The following RNF144B variants were observed in gnomAD, a reference collection of about 807,000 sequenced individuals.
RNF144B encodes E3 ubiquitin-protein ligase RNF144B.
In RNF144B, 25 loss-of-function variants were observed where a neutral mutation model predicts 40.2. That is an observed-to-expected ratio of 0.62 (90% CI 0.45 to 0.87). The LOEUF (loss-of-function observed/expected upper bound fraction) is 0.87. Among genes scored for constraint, RNF144B ranks in the 40% least tolerant of loss-of-function variants. The probability of loss-of-function intolerance (pLI) is 0.00; values close to 1 mark genes in which losing one functional copy is unlikely to be tolerated. For missense variants in RNF144B, 365 were observed against 373.7 expected (o/e 0.98, Z 0.19); for synonymous variants, 145 against 136.3 (o/e 1.06, Z -0.44).
In RNF144B at chr6:18,452,649, TA is replaced by T. The variant is rs1035939819; in HGVS notation, c.332-4497del. Reference sequence around the variant, plus strand: ...TATAAAAGTAGTACTTGACCTTTTTTAAAAAAAAATTTCAAGTTTAGAGATG... The same window carrying T: ...TATAAAAGTAGTACTTGACCTTTTTTAAAAAAAATTTCAAGTTTAGAGATG... On this transcript the variant is annotated intron_variant, in intron 4 of 7. Transcript: ENST00000259939. Among the ~76,000 whole-genome samples, 49 of 152,024 alleles carry T rather than the reference TA, an allele frequency of 3.2e-4. No homozygotes were observed. In the Middle Eastern group the frequency reaches 0.01, roughly 32 times the overall value.
chr6:18,455,883 C>T (rs2113533273), intron 4 of RNF144B, among the ~76,000 whole-genome samples: 1 of 152,104 alleles, frequency 6.6e-6, no homozygotes, highest in South Asian at 2.1e-4. Flanking sequence ...GTTTCTAGAA[C>T]ATGTGGGGGT....
At position 18,416,138 on chromosome 6, in the gene RNF144B, A is replaced by G. The variant is rs1344183387; in HGVS notation, c.166-11443A>G. Among the ~76,000 whole-genome samples, 1 of 118,332 alleles carries G rather than the reference A, an allele frequency of 8.5e-6. No individual in the cohort carries two copies. The highest frequency in any genetic ancestry group is 2.1e-5 in the Non-Finnish European group (1 of 48,712). 77.6% of individuals were successfully genotyped at this position (118,332 alleles called of 152,430 possible). A position where few individuals can be genotyped will look rare whatever the true frequency, so the allele number is the denominator to read the frequency against. ...TTGTTTTCTTTCTCCTGGAATGGTC[A>G]GTTACTTTTCTGAGCATACTGTGTC... On this transcript the variant is annotated intron_variant, in intron 2 of 7. Coordinates refer to ENST00000259939, the MANE Select transcript of RNF144B (RefSeq NM_182757.4). This position sits in a 1 kb window ranked among gnomAD's most constrained non-coding sequence, Gnocchi z 5.5.
chr6:18,464,783 G>A lies in RNF144B; in HGVS notation c.772-144G>A, dbSNP rs112561575. ...TCTAAAGGCCTCGTCTCCAAATACCGTCACATCGGGGATTTAGGGTTTCAA... is the reference window on the plus strand; with the variant it reads ...TCTAAAGGCCTCGTCTCCAAATACCATCACATCGGGGATTTAGGGTTTCAA... On this transcript the variant is annotated intron_variant, in intron 7 of 7. Transcript: ENST00000259939. This position sits in a 1 kb window ranked among gnomAD's most constrained non-coding sequence, Gnocchi z 6.1. The A allele has an allele frequency of 2.4e-4, 183 of 778,436 alleles. No homozygotes were observed. The African/African-American group carries it at 2.7e-3, about 12-fold the overall frequency. 48.2% of individuals were successfully genotyped at this position (778,436 alleles called of 1,614,324 possible). A position where few individuals can be genotyped will look rare whatever the true frequency, so the allele number is the denominator to read the frequency against.
At chr6:18,437,852 A>G (rs764744998) in intron 3 of RNF144B, among the ~76,000 whole-genome samples, 2 of 152,222 alleles carry the variant, frequency 1.3e-5, no homozygotes, top group East Asian at 1.9e-4. Context: ...CTTGTCTTCC[A>G]TAAACTGTAT....
rs984670572 is a variant in RNF144B, at chr6:18,457,928, G to A, written c.536+569G>A. 3.3e-5 allele frequency among the ~76,000 whole-genome samples: 5 copies of A among 151,316 alleles called. No homozygotes were observed. The highest frequency in any genetic ancestry group is 2.1e-4 in the South Asian group (1 of 4,800). On this transcript the variant is annotated intron_variant, in intron 5 of 7. Transcript: ENST00000259939. The surrounding 1 kb of genome is among the most constrained non-coding windows in gnomAD (Gnocchi z 5.1). ...TAAATCTGTACCTTTTTAGTACAGC[G>A]GGTTTTTTTTTGTTTTGTTTTGTTT... is the stretch of plus-strand genomic sequence containing the variant.
intron 3 of RNF144B, among the ~76,000 whole-genome samples, chr6:18,436,113 T>A (rs1758819276): frequency 6.6e-6 from 1 of 151,532 alleles, no homozygotes; most frequent in Admixed American, 6.6e-5. Context: ...CTCATGTAGC[T>A]CCTGATGGCC....
intron 2 of RNF144B, among the ~76,000 whole-genome samples, chr6:18,413,146 T>C (rs1367891159): frequency 6.6e-6 from 1 of 152,128 alleles, no homozygotes; most frequent in Non-Finnish European, 1.5e-5. Context: ...TTGGAAGAAA[T>C]AAAAACAAGC....
chr6:18,411,685 G>T (rs2113478292), intron 2 of RNF144B, among the ~76,000 whole-genome samples: 1 of 151,294 alleles, frequency 6.6e-6, no homozygotes, highest in South Asian at 2.1e-4. Context: ...TGTATTTTTA[G>T]TACAGAGGGG....
intron 3 of RNF144B, among the ~76,000 whole-genome samples, chr6:18,435,928 C>T (rs992251804): frequency 1.3e-5 from 2 of 151,408 alleles, no homozygotes. Context: ...TGCTAAATGA[C>T]GAGTTAATGG....
intron 4 of RNF144B, among the ~76,000 whole-genome samples, chr6:18,452,316 G>A (rs1759226811): frequency 6.6e-6 from 1 of 152,154 alleles, no homozygotes; most frequent in East Asian, 1.9e-4. Context: ...ATAGACAGCA[G>A]CAATTAACAA....
rs182339958 is a variant in RNF144B at position 18,465,760 on chromosome 6, C to G, written c.*693C>G. Reference sequence around the variant, plus strand: ...GTTGCAGCCTGTTAAACAATGTGGTCTAATTTAGTGTCTCTCCCTTGGCAA... The same window carrying G: ...GTTGCAGCCTGTTAAACAATGTGGTGTAATTTAGTGTCTCTCCCTTGGCAA... On this transcript the variant is annotated 3_prime_UTR_variant, in exon 8 of 8. Coordinates refer to ENST00000259939, the MANE Select transcript of RNF144B (RefSeq NM_182757.4). The G allele has an allele frequency of 6.6e-6, 1 of 152,332 alleles. No individual in the cohort carries two copies. The highest frequency in any genetic ancestry group is 1.5e-5 in the Non-Finnish European group (1 of 68,040). The allele number at this position is 152,332 out of a possible 1,614,324, so 9.4% of individuals were successfully genotyped here.
chr6:18,427,594 A>T lies in RNF144B; in HGVS notation c.179A>T (p.Tyr60Phe). 6.2e-7 allele frequency: 1 copy of T among 1,613,232 alleles called. No individual in the cohort carries two copies. Among genetic ancestry groups the T allele is most frequent in the Non-Finnish European group, 8.5e-7 (1 of 1,179,332 alleles). The change falls in exon 3 of 8, where the codon TAC becomes TTC. Residue 60 changes from tyrosine to phenylalanine, a missense_variant. Coordinates refer to ENST00000259939, the MANE Select transcript of RNF144B (RefSeq NM_182757.4). ...CTTAACTTCCAGTGCCTGAAACAGTACATGCAGCTGGCAATCCGAGAAGGA... is the reference window on the plus strand; with the variant it reads ...CTTAACTTCCAGTGCCTGAAACAGTTCATGCAGCTGGCAATCCGAGAAGGA... Reference protein sequence around the residue: ...CIFCTACLKQYMQLAIREGCG... With the variant: ...CIFCTACLKQFMQLAIREGCG...
In RNF144B at chr6:18,387,520, C is replaced by T. The variant is rs1254129085; in HGVS notation, c.-147C>T. On this transcript the variant is annotated 5_prime_UTR_variant, in exon 1 of 8. It adds an upstream start codon to the 5' untranslated region. Transcript: ENST00000259939. ...TCAGCCGCAGAGCACGGAGGAAAGA[C>T]GGAGAGAATGGAAGAGCTCCTGTCC... 3 of 1,313,728 alleles carry T rather than the reference C, an allele frequency of 2.3e-6. No individual in the cohort carries two copies. Among genetic ancestry groups the T allele is most frequent in the Non-Finnish European group, 3.0e-6 (3 of 1,003,294 alleles). 81.4% of individuals were successfully genotyped at this position (1,313,728 alleles called of 1,614,324 possible). A position where few individuals can be genotyped will look rare whatever the true frequency, so the allele number is the denominator to read the frequency against.
rs573922350 is a variant in RNF144B at position 18,453,422 on chromosome 6, G to A, written c.332-3733G>A. 6.6e-5 allele frequency among the ~76,000 whole-genome samples: 10 copies of A among 152,140 alleles called. No individual in the cohort carries two copies. The East Asian group carries it at 1.9e-3, about 29-fold the overall frequency. On this transcript the variant is annotated intron_variant, in intron 4 of 7. Transcript: ENST00000259939. ...CAAAGTGCTGGGACTACAGGCATGA[G>A]CTACTGCACCCAGCCTGCTTTTTTT...
rs1794740537 is a variant in RNF144B at position 18,398,829 on chromosome 6, G to C, written c.-36-670G>C. 6.6e-6 allele frequency among the ~76,000 whole-genome samples: 1 copy of C among 152,130 alleles called. No individual in the cohort carries two copies. The highest frequency in any genetic ancestry group is 1.5e-5 in the Non-Finnish European group (1 of 68,024). ...CTTTTGGGTATATACCCGATTGCTGGATCATATGTTACCTCTTTGTTTAAC... is the reference window on the plus strand; with the variant it reads ...CTTTTGGGTATATACCCGATTGCTGCATCATATGTTACCTCTTTGTTTAAC... On this transcript the variant is annotated intron_variant, in intron 1 of 7. Coordinates refer to ENST00000259939, the MANE Select transcript of RNF144B (RefSeq NM_182757.4). This position sits in a 1 kb window ranked among gnomAD's most constrained non-coding sequence, Gnocchi z 5.0.
rs10949502 is a variant in RNF144B, at chr6:18,405,553, A to G, written c.165+5854A>G. On this transcript the variant is annotated intron_variant, in intron 2 of 7. Coordinates refer to ENST00000259939, the MANE Select transcript of RNF144B (RefSeq NM_182757.4). This position sits in a 1 kb window ranked among gnomAD's most constrained non-coding sequence, Gnocchi z 4.5. Reference sequence around the variant, plus strand: ...ATCAGTGAATTTGTCTTTGTTTGTGAAATAACTTCAATATACTCACTGCTT... The same window carrying G: ...ATCAGTGAATTTGTCTTTGTTTGTGGAATAACTTCAATATACTCACTGCTT... Among the ~76,000 whole-genome samples, 61,046 of 152,032 alleles carry G rather than the reference A, an allele frequency of 0.4. 13,536 individuals are homozygous for G. Among genetic ancestry groups the G allele is most frequent in the East Asian group, 0.57 (2,960 of 5,170 alleles).
At chr6:18,420,733 T>C (rs1231769939) in intron 2 of RNF144B, among the ~76,000 whole-genome samples, 1 of 152,128 alleles carries the variant, frequency 6.6e-6, no homozygotes, top group Admixed American at 6.5e-5. Flanking sequence ...CTCACTGCTA[T>C]TGAGAATCAG....
chr6:18,433,029 A>G (rs1244212901), intron 3 of RNF144B, among the ~76,000 whole-genome samples: 1 of 152,178 alleles, frequency 6.6e-6, no homozygotes, highest in East Asian at 1.9e-4. Context: ...CAAAATAAAT[A>G]CAGTTTTTAC....
Position 18,427,652 on chromosome 6 carries a change from G to C in RNF144B, c.237G>C (p.Val79=). 1 of 1,613,536 alleles carries C rather than the reference G, an allele frequency of 6.2e-7. No homozygotes were observed. The part of the protein sequence containing the change: ...CGSPITCPDM[V]CLNHGTLQEA... ...CTCCCATCACTTGCCCTGACATGGT[G>C]TGCCTAAACCACGGGACCCTGCAGG... The change falls in exon 3 of 8, where the codon GTG becomes GTC. Residue 79 remains valine, a synonymous_variant. Transcript: ENST00000259939.
Sources: gnomAD v4.1 joint callset for allele counts (sites outside exome capture counted in the v4.1 genomes callset) on GRCh38, gnomAD v4.1.1 for gene constraint, Gnocchi (gnomAD v3.1) non-coding constraint, MANE v1.5 for transcripts, NCBI Gene and HGNC (gene_info 2026-07-23, HGNC 2026-07-21) for gene names.